Variants in FAM184B observed in about 807,000 individuals in gnomAD.
FAM184B encodes the protein family with sequence similarity 184 member B, also known as protein FAM184B.
A neutral mutation model predicts 135.9 loss-of-function variants in FAM184B; 111 were observed. The ratio of observed to expected loss-of-function variants is 0.82; its 90% CI spans 0.70 to 0.96. The LOEUF is 0.96. Among genes scored for constraint, FAM184B ranks in the 40% least tolerant of loss-of-function variants. The probability of loss-of-function intolerance (pLI) is 0.00; values close to 1 mark genes in which losing one functional copy is unlikely to be tolerated. For synonymous variants in FAM184B, 552 were observed against 524.8 expected (o/e 1.05, Z -0.71); for missense variants, 1,375 against 1,323.9 (o/e 1.04, Z -0.60).
Position 17,641,714 on chromosome 4 carries a change from G to A in FAM184B, c.2519+342C>T, listed in dbSNP as rs188527348. ...AGGGTTTCATCATGTTGTCCAGGCT[G>A]GTCTCGAATTCCTGACCTCGTGATG... On this transcript the variant is annotated intron_variant, in intron 13 of 17. Coordinates refer to ENST00000265018, the MANE Select transcript of FAM184B (RefSeq NM_015688.2). Among the ~76,000 whole-genome samples, 1,197 of 128,292 alleles carry A rather than the reference G, an allele frequency of 9.3e-3. 20 individuals carry two copies. Among genetic ancestry groups the A allele is most frequent in the African/African-American group, 0.033 (1,154 of 34,502 alleles). The allele number at this position is 128,292 out of a possible 152,430, so 84.2% of individuals were successfully genotyped here.
chr4:17,705,255 G>T (rs1717082267), intron 4 of FAM184B, 49 bp from the exon 5 acceptor site: 1 of 1,372,666 alleles, frequency 7.3e-7, no homozygotes, highest in Non-Finnish European at 1.0e-6. Flanking sequence ...GGGGTGAGGA[G>T]CAAGGAATCA....
chr4:17,738,639 A>AC (rs1158545896), intron 1 of FAM184B, among the ~76,000 whole-genome samples: 1 of 152,128 alleles, frequency 6.6e-6, no homozygotes, highest in East Asian at 1.9e-4. Flanking sequence ...TGTAAAAAAA[A>AC]ATCTTAGTTC....
intron 1 of FAM184B, among the ~76,000 whole-genome samples, chr4:17,714,971 T>C (rs1183047531): frequency 6.6e-6 from 1 of 151,998 alleles, no homozygotes; most frequent in Non-Finnish European, 1.5e-5. Context: ...GGTAAATGGT[T>C]CCTCCCCTCC....
intron 15 of FAM184B, among the ~76,000 whole-genome samples, chr4:17,636,241 A>C (rs868781545): frequency 3.3e-5 from 5 of 151,972 alleles, no homozygotes; most frequent in Admixed American, 2.0e-4. Flanking sequence ...TAGAAGCTGG[A>C]ATTACAGATG....
intron 7 of FAM184B, among the ~76,000 whole-genome samples, chr4:17,687,863 G>A (rs1716623192): frequency 6.6e-6 from 1 of 152,194 alleles, no homozygotes. Context: ...CCGTGAGAGA[G>A]TACATTTCCA....
chr4:17,767,129 C>A (rs546483574), intron 1 of FAM184B, among the ~76,000 whole-genome samples: 2 of 152,160 alleles, frequency 1.3e-5, no homozygotes, highest in Non-Finnish European at 2.9e-5. Flanking sequence ...AACGCCCACC[C>A]GGAACTCGCG....
intron 8 of FAM184B, among the ~76,000 whole-genome samples, chr4:17,663,740 C>A (rs1715974790): frequency 1.3e-5 from 2 of 151,932 alleles, no homozygotes; most frequent in Admixed American, 6.6e-5. Context: ...TTGCCCCCAC[C>A]CAAATCTCAT....
intron 7 of FAM184B, among the ~76,000 whole-genome samples, chr4:17,687,392 G>GT (rs1305833144): frequency 1.6e-4 from 25 of 152,162 alleles, no homozygotes; most frequent in African/African-American, 5.3e-4. Context: ...TCAAGCCAGG[G>GT]TACTCAAGCG....
chr4:17,781,493 T>C lies in FAM184B; in HGVS notation c.-194A>G. Reference sequence around the variant, plus strand: ...CCGGGCCCACCCGCGCGCCCACCCTTTTTCCTCTCCTGCTGGTTCTCTGGC... The same window carrying C: ...CCGGGCCCACCCGCGCGCCCACCCTCTTTCCTCTCCTGCTGGTTCTCTGGC... On this transcript the variant is annotated 5_prime_UTR_variant, in exon 1 of 18. Transcript: ENST00000265018. This position sits in a 1 kb window ranked among gnomAD's most constrained non-coding sequence, Gnocchi z 6.5. 1 of 615,170 alleles carries C rather than the reference T, an allele frequency of 1.6e-6. No homozygotes were observed. Among genetic ancestry groups the C allele is most frequent in the Admixed American group, 4.2e-5 (1 of 23,558 alleles). The allele number at this position is 615,170 out of a possible 1,614,324, so 38.1% of individuals were successfully genotyped here.
intron 5 of FAM184B, among the ~76,000 whole-genome samples, chr4:17,700,132 G>A (rs566450342): frequency 1.4e-4 from 22 of 152,174 alleles, no homozygotes; most frequent in Non-Finnish European, 2.2e-4. Flanking sequence ...CAAATTAAAC[G>A]GGAAAAGGGG....
At chr4:17,720,497 T>G (rs557040802) in intron 1 of FAM184B, among the ~76,000 whole-genome samples, 1 of 152,096 alleles carries the variant, frequency 6.6e-6, no homozygotes, top group Non-Finnish European at 1.5e-5. Context: ...AGAGAAATGT[T>G]GGTGAGGATG....
chr4:17,714,079 A>G (rs564503762), intron 1 of FAM184B, among the ~76,000 whole-genome samples: 166 of 152,248 alleles, frequency 1.1e-3, no homozygotes, highest in Non-Finnish European at 1.8e-3. Flanking sequence ...CAAGAACCAT[A>G]TCACTTCTTT....
In FAM184B at chr4:17,766,084, G is replaced by A. The variant is rs150191953; in HGVS notation, c.141+15075C>T. 6.6e-5 allele frequency among the ~76,000 whole-genome samples: 10 copies of A among 152,298 alleles called. No homozygotes were observed. The East Asian group carries it at 1.3e-3, about 21-fold the overall frequency. ...GTGCAGGCCCAAAGAGTAAGCCACA[G>A]GAAGATTTATTACAAAGAGCAAGAT... On this transcript the variant is annotated intron_variant, in intron 1 of 17. Transcript: ENST00000265018.
chr4:17,636,954 C>T (rs1406195142), intron 14 of FAM184B, among the ~76,000 whole-genome samples: 5 of 152,192 alleles, frequency 3.3e-5, no homozygotes, highest in Admixed American at 6.5e-5. Flanking sequence ...GGAAAATGTC[C>T]CGTAGGTTCT....
chr4:17,635,730 T>G (rs912904806), intron 15 of FAM184B, among the ~76,000 whole-genome samples: 1 of 151,080 alleles, frequency 6.6e-6, no homozygotes, highest in Non-Finnish European at 1.5e-5. Flanking sequence ...GAGCAATAAT[T>G]CCATATCAAT....
chr4:17,632,656 T>C, intron 17 of FAM184B, 31 bp from the exon 18 acceptor site: 3 of 1,421,630 alleles, frequency 2.1e-6, no homozygotes, highest in Non-Finnish European at 2.9e-6. Context: ...TTTTATATGG[T>C]TTTGAAAACT....
intron 5 of FAM184B, among the ~76,000 whole-genome samples, chr4:17,697,511 C>A (rs978188679): frequency 6.6e-6 from 1 of 152,198 alleles, no homozygotes; most frequent in Non-Finnish European, 1.5e-5. Context: ...TTTCTAAACA[C>A]AGTATGTAAA....
Position 17,635,069 on chromosome 4 carries a change from G to T in FAM184B, c.2829C>A (p.Ser943=), listed in dbSNP as rs1044091595. ...TGAAAGAGAAAGACCGATTCCGGTG[G>T]GACATGGCACTGGGGAATGCTGCGT... ...FHYAAFPSAM[S]HRNRSFSFNP... Residue 943 remains serine (S), a synonymous_variant, in exon 16 of 18, where the codon TCC becomes TCA. Coordinates refer to ENST00000265018, the MANE Select transcript of FAM184B (RefSeq NM_015688.2). The T allele has an allele frequency of 6.4e-7, 1 of 1,551,816 alleles. No homozygotes were observed. The highest frequency in any genetic ancestry group is 2.4e-5 in the East Asian group (1 of 40,924).
intron 1 of FAM184B, among the ~76,000 whole-genome samples, chr4:17,779,757 C>T (rs988477094): frequency 6.6e-6 from 1 of 152,212 alleles, no homozygotes; most frequent in African/African-American, 2.4e-5. Context: ...ACTTCTATAG[C>T]ACTCGTAATT....
Sources: allele counts gnomAD v4.1 joint callset (sites outside exome capture counted in the v4.1 genomes callset), GRCh38; gene constraint gnomAD v4.1.1; non-coding constraint Gnocchi (gnomAD v3.1); transcripts MANE v1.5; gene names NCBI Gene and HGNC (gene_info 2026-07-23, HGNC 2026-07-21).